The following PXN variants were observed in gnomAD, a reference collection of about 807,000 sequenced individuals.
PXN encodes the protein paxillin, also known as testicular tissue protein Li 134.
Under a neutral mutation model 103.6 loss-of-function variants are expected in PXN, and 61 were observed. The ratio of observed to expected loss-of-function variants is 0.59; its 90% CI spans 0.48 to 0.73. The LOEUF is 0.73. PXN is among the 30% of genes least tolerant of loss of function. PXN has a pLI of 0.00. For missense variants in PXN, 1,274 were observed against 1,460.3 expected (o/e 0.87, Z 2.08); for synonymous variants, 562 against 607.8 (o/e 0.92, Z 1.11).
chr12:120,226,607 T>C (rs1037601961), intron 1 of PXN: 1 of 1,191,134 alleles, frequency 8.4e-7, no homozygotes. Flanking sequence ...GGTTTATGGA[T>C]TGGATTCAGG....
At chr12:120,251,559 T>A (rs1413319570) in intron 1 of PXN, among the ~76,000 whole-genome samples, 1 of 151,880 alleles carries the variant, frequency 6.6e-6, no homozygotes. Context: ...GGCTCACTCC[T>A]GTAATCCCAG....
chr12:120,241,567 C>G (rs972043706), intron 1 of PXN, among the ~76,000 whole-genome samples: 2 of 152,218 alleles, frequency 1.3e-5, no homozygotes, highest in African/African-American at 4.8e-5. Context: ...ATATACAATG[C>G]CTGTCTCCGG....
rs1476432279 is a variant in PXN, at chr12:120,225,743, C to T, written c.14-1366G>A. 6.6e-6 allele frequency among the ~76,000 whole-genome samples: 1 copy of T among 152,220 alleles called. No homozygotes were observed. Among genetic ancestry groups the T allele is most frequent in the African/African-American group, 2.4e-5 (1 of 41,440 alleles). On this transcript the variant is annotated intron_variant, in intron 1 of 14. Transcript: ENST00000637617. This position sits in a 1 kb window ranked among gnomAD's most constrained non-coding sequence, Gnocchi z 4.4. ...AATGTTGGAGGCCCAAGCTGTGAGG[C>T]CTGCCAGTGTGATCCTTCCTTGTGG...
At chr12:120,259,977 G>T (rs910993065) in intron 1 of PXN, among the ~76,000 whole-genome samples, 2 of 152,196 alleles carry the variant, frequency 1.3e-5, no homozygotes, top group African/African-American at 4.8e-5. Context: ...GAGCATGTTC[G>T]GGTGCAGCGG....
At position 120,212,370 on chromosome 12, in the gene PXN, T is replaced by G. The variant is rs1427040127; in HGVS notation, c.3190A>C (p.Lys1064Gln). The change falls in exon 15 of 15, where the codon AAG (lysine) becomes CAG (glutamine). Residue 1064 changes from lysine to glutamine, a missense_variant. Transcript: ENST00000637617. This position sits in a 1 kb window ranked among gnomAD's most constrained non-coding sequence, Gnocchi z 7.2. ...CAGTAAGGCTTGTCGTTCTGCTCCTTGAAGGTGCCCTTGTTGAGCTGCTTG... is the reference window on the plus strand; with the variant it reads ...CAGTAAGGCTTGTCGTTCTGCTCCTGGAAGGTGCCCTTGTTGAGCTGCTTG... Reference protein sequence around the residue: ...CLKQLNKGTFKEQNDKPYCQN... With the variant: ...CLKQLNKGTFQEQNDKPYCQN... The G allele has an allele frequency of 6.2e-7, 1 of 1,613,994 alleles. No homozygotes were observed. Among genetic ancestry groups the G allele is most frequent in the Non-Finnish European group, 8.5e-7 (1 of 1,179,892 alleles).
intron 1 of PXN, among the ~76,000 whole-genome samples, chr12:120,244,530 C>T (rs975262896): frequency 1.3e-5 from 2 of 151,990 alleles, no homozygotes; most frequent in South Asian, 4.1e-4. Flanking sequence ...CGCCTGTAGT[C>T]CCAGCTACTC....
chr12:120,253,537 G>A (rs1892540921), intron 1 of PXN, among the ~76,000 whole-genome samples: 2 of 152,196 alleles, frequency 1.3e-5, no homozygotes, highest in South Asian at 4.1e-4. Flanking sequence ...CACCCAAGGT[G>A]CAGGTTCTTG....
chr12:120,221,675 G>C lies in PXN; in HGVS notation c.779C>G (p.Ser260Cys). The change falls in exon 6 of 15, where the codon TCC becomes TGC. Residue 260 changes from serine to cysteine, a missense_variant. Transcript: ENST00000637617. This position sits in a 1 kb window ranked among gnomAD's most constrained non-coding sequence, Gnocchi z 6.6. Reference protein sequence around the residue: ...STQQQTRISASSATRELDELM... With the variant: ...STQQQTRISACSATRELDELM... ...CTCGTCCAGCTCCCTGGTGGCAGAG[G>C]AGGCCGAGATGCGTGTCTGCTGTTG... 6.4e-7 allele frequency: 1 copy of C among 1,564,590 alleles called. No individual in the cohort carries two copies.
At position 120,265,213 on chromosome 12, in the gene PXN, G is replaced by A. The variant is rs1566444643; in HGVS notation, c.13+404C>T. The stretch of plus-strand genomic sequence containing the variant: ...CCGAGTTGGGCGGTCGATCTGTGAG[G>A]TGGGGGTGGGGAGAGGTCTGCGAGG... On this transcript the variant is annotated intron_variant, in intron 1 of 14. Coordinates refer to ENST00000637617, the MANE Select transcript of PXN (RefSeq NM_001385981.1). This position sits in a 1 kb window ranked among gnomAD's most constrained non-coding sequence, Gnocchi z 5.7. Among the ~76,000 whole-genome samples, 1 of 149,308 alleles carries A rather than the reference G, an allele frequency of 6.7e-6. No homozygotes were observed. The highest frequency in any genetic ancestry group is 2.0e-4 in the East Asian group (1 of 4,942).
chr12:120,226,560 C>A, intron 1 of PXN: 1 of 1,213,358 alleles, frequency 8.2e-7, no homozygotes, highest in Non-Finnish European at 1.1e-6. Context: ...CACCAAACAC[C>A]CGCTCCACCA....
At chr12:120,243,942 G>A (rs1218413432) in intron 1 of PXN, among the ~76,000 whole-genome samples, 2 of 151,984 alleles carry the variant, frequency 1.3e-5, no homozygotes, top group African/African-American at 4.8e-5. Flanking sequence ...ATTGGGCAGA[G>A]CCTAGCATAT....
At chr12:120,263,371 C>T (rs527375491) in intron 1 of PXN, among the ~76,000 whole-genome samples, 2 of 152,300 alleles carry the variant, frequency 1.3e-5, no homozygotes, top group South Asian at 2.1e-4. Flanking sequence ...TCGGGCAGCC[C>T]GGATGTAAGC....
chr12:120,215,819 G>A lies in PXN; in HGVS notation c.2302-158C>T, dbSNP rs887147814. On this transcript the variant is annotated intron_variant, in intron 9 of 14. Coordinates refer to ENST00000637617, the MANE Select transcript of PXN (RefSeq NM_001385981.1). This position sits in a 1 kb window ranked among gnomAD's most constrained non-coding sequence, Gnocchi z 4.9. ...TTGGGGGAAAAAATCTGGAGAAAAA[G>A]AGCCCTGAGAGAGAGGCCTAGGGAG... is the stretch of plus-strand genomic sequence containing the variant. 3.3e-5 allele frequency: 42 copies of A among 1,283,304 alleles called. No individual in the cohort carries two copies. Among genetic ancestry groups the A allele is most frequent in the Non-Finnish European group, 4.2e-5 (41 of 969,564 alleles). 79.5% of individuals were successfully genotyped at this position (1,283,304 alleles called of 1,614,324 possible). A position where few individuals can be genotyped will look rare whatever the true frequency, so the allele number is the denominator to read the frequency against.
At position 120,219,735 on chromosome 12, in the gene PXN, C is replaced by A. The variant is rs1220032252; in HGVS notation, c.1188G>T (p.Gly396=). Residue 396 remains glycine (G), a synonymous_variant, in exon 7 of 15, where the codon GGG becomes GGT. Transcript: ENST00000637617. The surrounding 1 kb of genome is among the most constrained non-coding windows in gnomAD (Gnocchi z 6.5). ...AGGGTACAGTGTGGCAGCGGGGAGC[C>A]CCAGAGAGCTCACTTGTGATGGTCG... is the stretch of plus-strand genomic sequence containing the variant. ...HLPTITSELS[G]APRCHTVPCA... 4 of 1,596,438 alleles carry A rather than the reference C, an allele frequency of 2.5e-6. No homozygotes were observed. The highest frequency in any genetic ancestry group is 3.4e-6 in the Non-Finnish European group (4 of 1,178,898).
intron 1 of PXN, among the ~76,000 whole-genome samples, chr12:120,227,950 C>T (rs957352583): frequency 7.9e-5 from 12 of 152,224 alleles, no homozygotes; most frequent in African/African-American, 1.9e-4. Context: ...AAGGAGTCCA[C>T]TTGAAGGCAG....
At position 120,214,447 on chromosome 12, in the gene PXN, G is replaced by A. The variant is rs1337103133; in HGVS notation, c.2749-230C>T. Among the ~76,000 whole-genome samples the A allele has an allele frequency of 6.6e-6, 1 of 152,176 alleles. No homozygotes were observed. The highest frequency in any genetic ancestry group is 1.5e-5 in the Non-Finnish European group (1 of 68,036). ...TCCTCTACTCCTCACCCCAAGTAGAGGGCACAAGTTCTATGACTCCCATTT... is the reference window on the plus strand; with the variant it reads ...TCCTCTACTCCTCACCCCAAGTAGAAGGCACAAGTTCTATGACTCCCATTT... On this transcript the variant is annotated intron_variant, in intron 12 of 14. Transcript: ENST00000637617. The surrounding 1 kb of genome is among the most constrained non-coding windows in gnomAD (Gnocchi z 5.0).
At chr12:120,238,303 A>C (rs992397815) in intron 1 of PXN, among the ~76,000 whole-genome samples, 1 of 152,172 alleles carries the variant, frequency 6.6e-6, no homozygotes, top group African/African-American at 2.4e-5. Flanking sequence ...AGCCTGCAAG[A>C]AGCCCACTAA....
Position 120,222,754 on chromosome 12 carries a change from G to T in PXN, c.494-4C>A. 6.2e-7 allele frequency: 1 copy of T among 1,603,150 alleles called. No homozygotes were observed. The highest frequency in any genetic ancestry group is 8.5e-7 in the Non-Finnish European group (1 of 1,174,714). ...GGGGGGCTTGAGTTGGCCTCATCTTGCAGAGAGGAGAGAAAAAGGCTGCTC... is the reference window on the plus strand; with the variant it reads ...GGGGGGCTTGAGTTGGCCTCATCTTTCAGAGAGGAGAGAAAAAGGCTGCTC... On this transcript the variant is annotated splice_polypyrimidine_tract_variant and splice_region_variant and intron_variant, in intron 4 of 14. Coordinates refer to ENST00000637617, the MANE Select transcript of PXN (RefSeq NM_001385981.1). The surrounding 1 kb of genome is among the most constrained non-coding windows in gnomAD (Gnocchi z 4.7).
At chr12:120,245,775 G>A (rs145965963) in intron 1 of PXN, among the ~76,000 whole-genome samples, 103 of 133,792 alleles carry the variant, frequency 7.7e-4, no homozygotes, top group African/African-American at 2.8e-3. Flanking sequence ...GCGACAGAGC[G>A]AGACTCCATC....
Sources: gnomAD v4.1 joint callset for allele counts (sites outside exome capture counted in the v4.1 genomes callset) on GRCh38, gnomAD v4.1.1 for gene constraint, Gnocchi (gnomAD v3.1) non-coding constraint, MANE v1.5 for transcripts, NCBI Gene and HGNC (gene_info 2026-07-23, HGNC 2026-07-21) for gene names.